The following ARHGAP21 variants were observed in gnomAD, a reference collection of about 807,000 sequenced individuals.
ARHGAP21 encodes the protein Rho GTPase activating protein 21, also known as rho GTPase-activating protein 21.
Under a neutral mutation model 164.6 loss-of-function variants are expected in ARHGAP21, and 38 were observed. The observed-to-expected ratio is 0.23, with a 90% CI of 0.18 to 0.30. The LOEUF (loss-of-function observed/expected upper bound fraction) is 0.30, where lower values mean the gene tolerates loss of function less well. Ranked by LOEUF, ARHGAP21 falls within the 10% of genes least tolerant of loss-of-function variation. The probability of loss-of-function intolerance (pLI) is 1.00; values close to 1 mark genes in which losing one functional copy is unlikely to be tolerated. For missense variants in ARHGAP21, 1,822 were observed against 2,370.7 expected (o/e 0.77, Z 4.81); for synonymous variants, 766 against 857.9 (o/e 0.89, Z 1.87).
intron 2 of ARHGAP21, among the ~76,000 whole-genome samples, chr10:24,691,470 A>C (rs1319274144): frequency 1.3e-5 from 2 of 151,556 alleles, no homozygotes. Context: ...AACCCAACTA[A>C]GTAAAAAATT....
chr10:24,682,750 T>C (rs988465354), intron 2 of ARHGAP21, among the ~76,000 whole-genome samples: 1 of 152,098 alleles, frequency 6.6e-6, no homozygotes, highest in Non-Finnish European at 1.5e-5. Context: ...ATGATAAATA[T>C]CTAGACGTAT....
intron 13 of ARHGAP21, 120 bp downstream of exon 13, chr10:24,601,858 A>G (rs2076826697): frequency 8.3e-7 from 1 of 1,202,534 alleles, no homozygotes; most frequent in Admixed American, 3.1e-5. Context: ...TCTATTTATA[A>G]ATGGTTTTTT....
rs199701715 is a variant in ARHGAP21, at chr10:24,591,266, G to C, written c.4109C>G (p.Thr1370Ser). The change falls in exon 24 of 26, where the codon ACC becomes AGC. Residue 1370 changes from threonine (T) to serine (S), a missense_variant. Thr to Ser is a moderately conservative substitution (Grantham distance 58, BLOSUM62 1). Coordinates refer to ENST00000396432, the MANE Select transcript of ARHGAP21 (RefSeq NM_020824.4). ...GGAGACTCCTGTCCTTCCAATGTTG[G>C]TGAGTAAATGATCTATGTTTGGCAC... is the stretch of plus-strand genomic sequence containing the variant. ...QPVPNIDHLL[T>S]NIGRTGVSPG... 4.5e-4 allele frequency: 720 copies of C among 1,612,660 alleles called. 13 individuals are homozygous for C. In the South Asian group the frequency reaches 5.7e-3, roughly 13 times the overall value.
intron 14 of ARHGAP21, 145 bp downstream of exon 14, chr10:24,600,501 T>C (rs1490937444): frequency 6.9e-6 from 7 of 1,020,912 alleles, no homozygotes; most frequent in East Asian, 2.7e-5. Flanking sequence ...ACAGGTATGT[T>C]TGAGTTTTCC....
rs756986376 is a variant in ARHGAP21 at position 24,596,855 on chromosome 10, C to A, written c.3362G>T (p.Gly1121Val). Residue 1121 changes from glycine to valine, a missense_variant, in exon 17 of 26, where the codon GGC becomes GTC. This residue lies in a region of ARHGAP21 where 1,090 missense variants were observed against 1,378.9 expected (regional missense o/e 0.79). Transcript: ENST00000396432. ...KDDTSPPKDK[G>V]TWRKGIPSIM... ...ACTTGGAATGCCTTTTCTCCATGTG[C>A]CTTTGTCTTTTGGGGGACTGGTATC... 6.2e-7 allele frequency: 1 copy of A among 1,609,368 alleles called. No homozygotes were observed. Among genetic ancestry groups the A allele is most frequent in the African/African-American group, 1.3e-5 (1 of 74,446 alleles).
At chr10:24,717,416 C>A (rs532728759) in intron 2 of ARHGAP21, among the ~76,000 whole-genome samples, 1 of 152,272 alleles carries the variant, frequency 6.6e-6, no homozygotes, top group East Asian at 1.9e-4. Context: ...TATAGATAAA[C>A]TTGTAACTGG....
At chr10:24,723,413 G>A (rs902911810) in intron 1 of ARHGAP21, 149 bp downstream of exon 1, 1 of 145,600 alleles carries the variant, frequency 6.9e-6, no homozygotes, top group Non-Finnish European at 1.5e-5. Flanking sequence ...CCCGCCGGGC[G>A]CCCGCCGCGG....
chr10:24,594,828 G>T, intron 21 of ARHGAP21, 122 bp downstream of exon 21: 1 of 695,620 alleles, frequency 1.4e-6, no homozygotes, highest in Non-Finnish European at 2.2e-6. Context: ...TTTTAAGAAG[G>T]ACTTACCCAG....
chr10:24,661,030 C>A (rs1839638715), intron 4 of ARHGAP21, among the ~76,000 whole-genome samples: 1 of 152,020 alleles, frequency 6.6e-6, no homozygotes, highest in Admixed American at 6.6e-5. Flanking sequence ...CCGAAAGACT[C>A]ACTGAAGCTG....
intron 4 of ARHGAP21, among the ~76,000 whole-genome samples, chr10:24,642,830 C>T (rs193194318): frequency 5.9e-5 from 9 of 152,210 alleles, no homozygotes; most frequent in East Asian, 3.9e-4. Context: ...CATATACGCA[C>T]GAGAATATAC....
In ARHGAP21 at chr10:24,702,999, T is replaced by C. The variant is rs984787909; in HGVS notation, c.63+18838A>G. On this transcript the variant is annotated intron_variant, in intron 2 of 25. Coordinates refer to ENST00000396432, the MANE Select transcript of ARHGAP21 (RefSeq NM_020824.4). ...TATATATACACACACACATAATACA[T>C]AGTTTATATTATAGTGTATAATATT... Among the ~76,000 whole-genome samples, 6 of 152,162 alleles carry C rather than the reference T, an allele frequency of 3.9e-5. 1 individual carries two copies. The highest frequency in any genetic ancestry group is 3.9e-4 in the Admixed American group (6 of 15,276).
At chr10:24,704,599 G>C (rs938343303) in intron 2 of ARHGAP21, among the ~76,000 whole-genome samples, 3 of 151,816 alleles carry the variant, frequency 2.0e-5, no homozygotes, top group Non-Finnish European at 4.4e-5. Flanking sequence ...CAAGCAGCTG[G>C]GATTATTAGG....
chr10:24,671,613 C>T (rs763304420), intron 2 of ARHGAP21, among the ~76,000 whole-genome samples: 4 of 152,154 alleles, frequency 2.6e-5, no homozygotes, highest in Non-Finnish European at 5.9e-5. Context: ...TTCAAAGATA[C>T]AGGTCCAACA....
At chr10:24,663,632 G>T (rs1198477180) in intron 4 of ARHGAP21, among the ~76,000 whole-genome samples, 1 of 152,168 alleles carries the variant, frequency 6.6e-6, no homozygotes, top group Non-Finnish European at 1.5e-5. Context: ...AGGTTCAAGC[G>T]ATTCTCCTGC....
chr10:24,653,953 G>A (rs1438969055), intron 4 of ARHGAP21, among the ~76,000 whole-genome samples: 2 of 152,034 alleles, frequency 1.3e-5, no homozygotes, highest in Non-Finnish European at 2.9e-5. Context: ...ACATAATGGA[G>A]GAAAATAGAT....
intron 23 of ARHGAP21, 70 bp from the exon 24 acceptor site, chr10:24,591,400 T>A (rs2076324191): frequency 2.9e-6 from 4 of 1,385,566 alleles, no homozygotes; most frequent in Middle Eastern, 1.9e-4. Flanking sequence ...TAAACAACAT[T>A]TAGTAAAAGA....
chr10:24,617,085 G>A (rs143143692), intron 9 of ARHGAP21, among the ~76,000 whole-genome samples: 229 of 152,132 alleles, frequency 1.5e-3, no homozygotes, highest in African/African-American at 5.0e-3. Context: ...GAAGGAGGGC[G>A]AAAGTCAAAT....
At chr10:24,610,962 T>G (rs2077230793) in intron 9 of ARHGAP21, among the ~76,000 whole-genome samples, 2 of 152,212 alleles carry the variant, frequency 1.3e-5, no homozygotes, top group Admixed American at 1.3e-4. Flanking sequence ...AAAAGCAAGA[T>G]GAAACAGTGA....
intron 7 of ARHGAP21, among the ~76,000 whole-genome samples, chr10:24,625,303 A>C (rs1233647666): frequency 2.0e-5 from 3 of 149,078 alleles, no homozygotes; most frequent in Non-Finnish European, 4.5e-5. Flanking sequence ...AACAGAGAAA[A>C]AAAAAAAAAA....
Sources: gnomAD v4.1 joint callset for allele counts (sites outside exome capture counted in the v4.1 genomes callset) on GRCh38, gnomAD v4.1.1 for gene constraint, gnomAD v4.1.1 regional missense constraint, MANE v1.5 for transcripts, NCBI Gene and HGNC (gene_info 2026-07-23, HGNC 2026-07-21) for gene names.